The following CADPS2 variants were observed in gnomAD, a reference collection of about 807,000 sequenced individuals.
The protein encoded by CADPS2 is calcium-dependent secretion activator 2.
A neutral mutation model predicts 172.5 loss-of-function variants in CADPS2; 93 were observed. The observed-to-expected ratio is 0.54, with a 90% CI of 0.46 to 0.64. The LOEUF is 0.64. CADPS2 is among the 30% of genes least tolerant of loss of function. The pLI is 0.00. For missense variants in CADPS2, 1,420 were observed against 1,565.9 expected (o/e 0.91, Z 1.57); for synonymous variants, 546 against 555.2 (o/e 0.98, Z 0.23).
intron 24 of CADPS2, among the ~76,000 whole-genome samples, chr7:122,385,559 T>C (rs1187950377): frequency 2.6e-5 from 4 of 151,956 alleles, no homozygotes; most frequent in Non-Finnish European, 5.9e-5. Context: ...CACAAAGACA[T>C]TCTAACTCAC....
At chr7:122,323,852 T>C (rs2033141016) in intron 29 of CADPS2, among the ~76,000 whole-genome samples, 2 of 144,754 alleles carry the variant, frequency 1.4e-5, no homozygotes, top group South Asian at 4.3e-4. Flanking sequence ...TATATATGCA[T>C]ATTATATACA....
chr7:122,507,865 C>A (rs1038023234), intron 9 of CADPS2, among the ~76,000 whole-genome samples: 10 of 152,066 alleles, frequency 6.6e-5, no homozygotes, highest in African/African-American at 2.2e-4. Flanking sequence ...GCAATCTTTT[C>A]TGCCATGAGG....
chr7:122,873,764 T>C (rs1820470179), intron 1 of CADPS2, among the ~76,000 whole-genome samples: 1 of 152,212 alleles, frequency 6.6e-6, no homozygotes, highest in South Asian at 2.1e-4. Context: ...CCACAATAGT[T>C]AAACTAATTT....
At chr7:122,771,510 A>C (rs1348547650) in intron 1 of CADPS2, among the ~76,000 whole-genome samples, 1 of 152,212 alleles carries the variant, frequency 6.6e-6, no homozygotes. Flanking sequence ...AATAAGGCAT[A>C]TGATTTTTCC....
At chr7:122,320,780 A>T (rs1269417319) in intron 29 of CADPS2, among the ~76,000 whole-genome samples, 3 of 152,144 alleles carry the variant, frequency 2.0e-5, no homozygotes, top group African/African-American at 7.2e-5. Context: ...GTGTGGAGGA[A>T]GAAGATTAAT....
intron 2 of CADPS2, chr7:122,676,823 G>A: frequency 1.5e-6 from 1 of 658,198 alleles, no homozygotes; most frequent in South Asian, 2.5e-5. Flanking sequence ...CTCACTGTAA[G>A]TGCTTGGTGA....
At chr7:122,743,500 T>C (rs1430755281) in intron 1 of CADPS2, among the ~76,000 whole-genome samples, 2 of 152,178 alleles carry the variant, frequency 1.3e-5, no homozygotes, top group East Asian at 1.9e-4. Context: ...GTACTTACAG[T>C]GGAAGCTGTG....
chr7:122,592,021 A>G (rs919630884), intron 6 of CADPS2, among the ~76,000 whole-genome samples: 6 of 152,168 alleles, frequency 3.9e-5, no homozygotes, highest in African/African-American at 9.6e-5. Context: ...TCTGCACAGC[A>G]AAAGAAACTA....
intron 1 of CADPS2, among the ~76,000 whole-genome samples, chr7:122,800,179 C>T (rs944718309): frequency 6.6e-6 from 1 of 152,150 alleles, no homozygotes; most frequent in African/African-American, 2.4e-5. Context: ...AAAACATCCA[C>T]GGTTATAATA....
At chr7:122,854,838 T>C (rs1433823250) in intron 1 of CADPS2, among the ~76,000 whole-genome samples, 1 of 152,240 alleles carries the variant, frequency 6.6e-6, no homozygotes, top group Admixed American at 6.5e-5. Flanking sequence ...GTTTCAGCAC[T>C]ATAGGTATTA....
intron 28 of CADPS2, among the ~76,000 whole-genome samples, chr7:122,336,219 G>A (rs2035832183): frequency 6.6e-6 from 1 of 152,150 alleles, no homozygotes; most frequent in African/African-American, 2.4e-5. Flanking sequence ...CAACACTGGT[G>A]ACCTGGCTGC....
At chr7:122,365,438 C>G (rs2040725206) in intron 25 of CADPS2, among the ~76,000 whole-genome samples, 1 of 152,154 alleles carries the variant, frequency 6.6e-6, no homozygotes, top group African/African-American at 2.4e-5. Context: ...AAATCAAACT[C>G]TATTATAAAC....
intron 9 of CADPS2, among the ~76,000 whole-genome samples, chr7:122,504,924 G>A (rs1006948667): frequency 3.3e-5 from 5 of 152,108 alleles, no homozygotes; most frequent in Non-Finnish European, 5.9e-5. Context: ...GAAGATGTTT[G>A]GTGGAAGAAT....
chr7:122,821,226 G>T (rs556599384), intron 1 of CADPS2, among the ~76,000 whole-genome samples: 1 of 151,994 alleles, frequency 6.6e-6, no homozygotes, highest in Non-Finnish European at 1.5e-5. Context: ...GATCATGCTT[G>T]ATTTATTGAT....
At chr7:122,673,227 C>CG (rs1300144970) in intron 2 of CADPS2, among the ~76,000 whole-genome samples, 1 of 152,198 alleles carries the variant, frequency 6.6e-6, no homozygotes, top group East Asian at 1.9e-4. Context: ...GCTTCCACAG[C>CG]GGGGAATGGG....
At chr7:122,752,090 G>T (rs2092977254) in intron 1 of CADPS2, among the ~76,000 whole-genome samples, 1 of 152,092 alleles carries the variant, frequency 6.6e-6, no homozygotes, top group African/African-American at 2.4e-5. Flanking sequence ...AATTCAGGAA[G>T]CTAAAAACTG....
intron 14 of CADPS2, among the ~76,000 whole-genome samples, chr7:122,464,930 CA>C (rs1374115519): frequency 6.6e-6 from 1 of 152,132 alleles, no homozygotes; most frequent in Non-Finnish European, 1.5e-5. Flanking sequence ...TTAGTTTTGA[CA>C]AATGTATGAC....
At chr7:122,731,750 T>C (rs1427504799) in intron 2 of CADPS2, among the ~76,000 whole-genome samples, 1 of 151,696 alleles carries the variant, frequency 6.6e-6, no homozygotes, top group Non-Finnish European at 1.5e-5. Flanking sequence ...CGCAAAATTA[T>C]CAAGATTATA....
Position 122,885,992 on chromosome 7 carries a change from A to C in CADPS2, c.339+7T>G. On this transcript the variant is annotated splice_region_variant and intron_variant, in intron 1 of 29. Transcript: ENST00000449022. ...GGTGGTAGGAGGCGCCCGGTCCCGC[A>C]ACTCACCTTCTGCTGCCTCCGGGCC... 6.2e-7 allele frequency: 1 copy of C among 1,601,000 alleles called. No individual in the cohort carries two copies. Among genetic ancestry groups the C allele is most frequent in the South Asian group, 1.1e-5 (1 of 88,228 alleles).
Sources: allele counts gnomAD v4.1 joint callset (sites outside exome capture counted in the v4.1 genomes callset), GRCh38; gene constraint gnomAD v4.1.1; transcripts MANE v1.5; gene names NCBI Gene and HGNC (gene_info 2026-07-23, HGNC 2026-07-21).